SESTD1: variants seen among roughly 807,000 people sequenced by gnomAD.
SESTD1 encodes the protein SEC14 domain and spectrin repeat-containing protein 1.
In SESTD1, 43 loss-of-function variants were observed where a neutral mutation model predicts 101.7. The observed-to-expected ratio is 0.42, with a 90% confidence interval of 0.33 to 0.55. SESTD1 has a LOEUF of 0.55. Ranked by LOEUF, SESTD1 falls within the 20% of genes least tolerant of loss-of-function variation. The pLI is 0.07. For missense variants in SESTD1, 647 were observed against 815.1 expected (o/e 0.79, Z 2.51); for synonymous variants, 283 against 286.8 (o/e 0.99, Z 0.13).
At chr2:179,239,500 T>C (rs534501827) in intron 1 of SESTD1, among the ~76,000 whole-genome samples, 9 of 152,248 alleles carry the variant, frequency 5.9e-5, no homozygotes, top group African/African-American at 1.9e-4. Context: ...AAACCACTGG[T>C]ATTCACTTAT....
At position 179,105,231 on chromosome 2, in the gene SESTD1, CTGT is replaced by C. The variant is rs752305901; in HGVS notation, c.*4665_*4667del. On this transcript the variant is annotated 3_prime_UTR_variant, in exon 18 of 18. Transcript: ENST00000428443. ...GGGATACTTAAATAACAGATTTATG[CTGT>C]TGTTGTTTCTACTGGTCGGTGCTCG... 2.0e-5 allele frequency: 3 copies of C among 147,922 alleles called. No homozygotes were observed. Among genetic ancestry groups the C allele is most frequent in the Non-Finnish European group, 4.5e-5 (3 of 67,258 alleles). The allele number at this position is 147,922 out of a possible 1,614,324, so 9.2% of individuals were successfully genotyped here.
intron 5 of SESTD1, among the ~76,000 whole-genome samples, chr2:179,164,411 G>A (rs2045798167): frequency 6.6e-6 from 1 of 152,116 alleles, no homozygotes; most frequent in Admixed American, 6.5e-5. Context: ...AAAAAGGAGA[G>A]TGGAGATCCC....
chr2:179,254,710 T>A (rs1439820992), intron 1 of SESTD1, among the ~76,000 whole-genome samples: 1 of 152,226 alleles, frequency 6.6e-6, no homozygotes, highest in African/African-American at 2.4e-5. Context: ...CCATATCTAG[T>A]CCCCACTATA....
intron 1 of SESTD1, among the ~76,000 whole-genome samples, chr2:179,216,768 C>G (rs1423812185): frequency 7.4e-6 from 1 of 134,842 alleles, no homozygotes; most frequent in Non-Finnish European, 1.6e-5. Flanking sequence ...CAGCATGGTA[C>G]TGGTACCAAA....
intron 5 of SESTD1, among the ~76,000 whole-genome samples, chr2:179,164,452 A>C (rs1198622159): frequency 6.6e-6 from 1 of 152,202 alleles, no homozygotes; most frequent in Non-Finnish European, 1.5e-5. Context: ...TTTGAGGACA[A>C]GATTAATGCT....
At chr2:179,129,586 A>G (rs1165075895) in intron 10 of SESTD1, among the ~76,000 whole-genome samples, 2 of 152,196 alleles carry the variant, frequency 1.3e-5, no homozygotes, top group Non-Finnish European at 2.9e-5. Context: ...TTAATATATG[A>G]CATTGAGCTG....
chr2:179,156,508 T>C (rs114731579), intron 5 of SESTD1, among the ~76,000 whole-genome samples: 17 of 152,300 alleles, frequency 1.1e-4, no homozygotes, highest in African/African-American at 3.8e-4. Flanking sequence ...TTTTTGATTA[T>C]AGCCATTCTT....
intron 7 of SESTD1, among the ~76,000 whole-genome samples, chr2:179,148,284 C>G (rs1028162468): frequency 6.6e-6 from 1 of 152,202 alleles, no homozygotes; most frequent in East Asian, 1.9e-4. Flanking sequence ...AGGATTCTTT[C>G]ACATTTCCTA....
chr2:179,158,537 A>G (rs1285102308), intron 5 of SESTD1, among the ~76,000 whole-genome samples: 1 of 152,202 alleles, frequency 6.6e-6, no homozygotes, highest in East Asian at 1.9e-4. Flanking sequence ...TTAAATGTAA[A>G]CAGTACAGAT....
At chr2:179,218,181 C>T (rs547422899) in intron 1 of SESTD1, among the ~76,000 whole-genome samples, 1 of 151,968 alleles carries the variant, frequency 6.6e-6, no homozygotes, top group Non-Finnish European at 1.5e-5. Flanking sequence ...CATTCTTCTA[C>T]AATGGGATAT....
chr2:179,260,430 G>C (rs7562730), intron 1 of SESTD1, among the ~76,000 whole-genome samples: 67,917 of 151,934 alleles, frequency 0.45, 18,001 homozygotes, highest in African/African-American at 0.75. Flanking sequence ...GTGGGTGAAT[G>C]ACTTGAGCCC....
At chr2:179,255,012 G>A (rs560193539) in intron 1 of SESTD1, among the ~76,000 whole-genome samples, 1 of 152,256 alleles carries the variant, frequency 6.6e-6, no homozygotes, top group South Asian at 2.1e-4. Context: ...TACTGTAATT[G>A]TTTGGGGGCA....
intron 5 of SESTD1, among the ~76,000 whole-genome samples, chr2:179,167,080 G>A (rs1000666463): frequency 2.0e-5 from 3 of 152,196 alleles, no homozygotes; most frequent in Admixed American, 6.5e-5. Context: ...CATAAGTGGA[G>A]TAAGACAGAT....
At chr2:179,242,007 T>C (rs991984916) in intron 1 of SESTD1, among the ~76,000 whole-genome samples, 3 of 151,716 alleles carry the variant, frequency 2.0e-5, no homozygotes, top group Admixed American at 2.0e-4. Context: ...GAGGCATATA[T>C]GTAAGAAAAG....
chr2:179,254,213 A>ATT (rs2047359501), intron 1 of SESTD1, among the ~76,000 whole-genome samples: 1 of 152,192 alleles, frequency 6.6e-6, no homozygotes, highest in African/African-American at 2.4e-5. Flanking sequence ...AACTAAGACA[A>ATT]AGACTATGGA....
intron 9 of SESTD1, among the ~76,000 whole-genome samples, chr2:179,135,618 G>C (rs765257357): frequency 3.3e-5 from 5 of 152,170 alleles, no homozygotes; most frequent in Non-Finnish European, 7.4e-5. Flanking sequence ...GCCAGGCGTG[G>C]TATGCACATC....
intron 1 of SESTD1, among the ~76,000 whole-genome samples, chr2:179,202,442 ATAATT>A (rs1298405947): frequency 7.4e-6 from 1 of 134,788 alleles, no homozygotes; most frequent in Non-Finnish European, 1.6e-5. Flanking sequence ...TTCCTCGAAC[ATAATT>A]TAATTCGGAC....
intron 1 of SESTD1, among the ~76,000 whole-genome samples, chr2:179,243,610 A>G (rs1175213666): frequency 6.6e-6 from 1 of 152,208 alleles, no homozygotes; most frequent in Non-Finnish European, 1.5e-5. Flanking sequence ...CTTTGCAGCA[A>G]TATGGATGCA....
At chr2:179,173,831 G>C (rs2045965721) in intron 4 of SESTD1, among the ~76,000 whole-genome samples, 2 of 152,128 alleles carry the variant, frequency 1.3e-5, no homozygotes, top group African/African-American at 4.8e-5. Context: ...AATGGGAATG[G>C]CTGAACTCCA....
Sources: allele counts gnomAD v4.1 joint callset (sites outside exome capture counted in the v4.1 genomes callset), GRCh38; gene constraint gnomAD v4.1.1; transcripts MANE v1.5; gene names NCBI Gene and HGNC (gene_info 2026-07-23, HGNC 2026-07-21).